Variants in CCDC178 observed in about 807,000 individuals in gnomAD.
The protein encoded by CCDC178 is coiled-coil domain-containing protein 178.
CCDC178 carries 126 observed loss-of-function variants against 117.4 expected under a neutral mutation model. That is an observed-to-expected ratio of 1.07 (90% CI 0.93 to 1.24). The LOEUF is 1.24. CCDC178 is among the 50% of genes most tolerant of loss of function. The pLI is 0.00. For missense variants in CCDC178, 1,030 were observed against 986.9 expected (o/e 1.04, Z -0.59); for synonymous variants, 283 against 313.4 (o/e 0.90, Z 1.02).
At chr18:33,410,527 G>A (rs2063835626) in intron 3 of CCDC178, among the ~76,000 whole-genome samples, 1 of 152,070 alleles carries the variant, frequency 6.6e-6, no homozygotes, top group South Asian at 2.1e-4. Flanking sequence ...AAAATATGTG[G>A]TGATGAAATA....
At chr18:33,403,564 A>ATAT (rs1282619906) in intron 3 of CCDC178, among the ~76,000 whole-genome samples, 1 of 152,054 alleles carries the variant, frequency 6.6e-6, no homozygotes, top group Non-Finnish European at 1.5e-5. Context: ...ATCAGTTTGG[A>ATAT]TACTACAGTT....
At chr18:33,402,382 A>C (rs544822132) in intron 3 of CCDC178, among the ~76,000 whole-genome samples, 13 of 152,358 alleles carry the variant, frequency 8.5e-5, no homozygotes, top group Admixed American at 7.2e-4. Context: ...CCTTGGTCCC[A>C]GCCCTGACTC....
chr18:33,353,517 T>C (rs1053520083), intron 7 of CCDC178, among the ~76,000 whole-genome samples: 5 of 152,110 alleles, frequency 3.3e-5, no homozygotes, highest in Non-Finnish European at 1.5e-5. Context: ...TTTTTTTCTA[T>C]ATATTGTTTA....
In CCDC178 at chr18:33,274,304, T is replaced by C. The variant is rs541337280; in HGVS notation, c.1177-7007A>G. ...GAATTGAAACCCTTATAAATCACTATGGTAATGTAAAATATTGTAGTCACT... is the reference window on the plus strand; with the variant it reads ...GAATTGAAACCCTTATAAATCACTACGGTAATGTAAAATATTGTAGTCACT... On this transcript the variant is annotated intron_variant, in intron 12 of 22. Coordinates refer to ENST00000383096, the MANE Select transcript of CCDC178 (RefSeq NM_001105528.4). Among the ~76,000 whole-genome samples, 7 of 152,090 alleles carry C rather than the reference T, an allele frequency of 4.6e-5. No individual in the cohort carries two copies. In the South Asian group the frequency reaches 1.4e-3, roughly 31 times the overall value.
intron 12 of CCDC178, among the ~76,000 whole-genome samples, chr18:33,284,343 G>A (rs1268311145): frequency 1.3e-5 from 2 of 152,130 alleles, no homozygotes; most frequent in Non-Finnish European, 2.9e-5. Flanking sequence ...AAACCCCCAT[G>A]ACATAAGGTT....
chr18:33,043,448 T>C (rs1052103908), intron 21 of CCDC178, among the ~76,000 whole-genome samples: 1 of 152,042 alleles, frequency 6.6e-6, no homozygotes, highest in Non-Finnish European at 1.5e-5. Flanking sequence ...CTGTGTGGTA[T>C]TGGGCAGTTA....
intron 11 of CCDC178, among the ~76,000 whole-genome samples, chr18:33,311,857 A>G (rs753907027): frequency 6.6e-6 from 1 of 152,042 alleles, no homozygotes; most frequent in Non-Finnish European, 1.5e-5. Context: ...GGTTTTGAAC[A>G]CCCCCTGGGG....
chr18:33,208,894 C>T (rs1203804916), intron 20 of CCDC178, among the ~76,000 whole-genome samples: 3 of 151,996 alleles, frequency 2.0e-5, no homozygotes, highest in Non-Finnish European at 2.9e-5. Context: ...TCTACTAGAA[C>T]TCAATCTGGA....
At chr18:33,141,116 G>A (rs1485971030) in intron 20 of CCDC178, among the ~76,000 whole-genome samples, 1 of 152,178 alleles carries the variant, frequency 6.6e-6, no homozygotes, top group Non-Finnish European at 1.5e-5. Flanking sequence ...ACGTGGAACT[G>A]TAAGTCAATT....
At chr18:33,179,161 CTATA>C (rs200189915) in intron 20 of CCDC178, among the ~76,000 whole-genome samples, 1 of 72,522 alleles carries the variant, frequency 1.4e-5, no homozygotes, top group Non-Finnish European at 2.5e-5. Context: ...TATATATAAA[CTATA>C]TATATAGTTT....
intron 21 of CCDC178, among the ~76,000 whole-genome samples, chr18:33,087,710 A>G (rs575874824): frequency 1.4e-4 from 22 of 152,272 alleles, no homozygotes; most frequent in Admixed American, 1.2e-3. Context: ...TTGCTATGAA[A>G]GAAGTGAATT....
chr18:33,212,913 A>G (rs916360736), intron 19 of CCDC178, among the ~76,000 whole-genome samples: 4 of 152,026 alleles, frequency 2.6e-5, no homozygotes, highest in African/African-American at 7.2e-5. Context: ...TGTCCAGATT[A>G]AGGTATCTGA....
At chr18:33,114,577 A>G (rs571597983) in intron 20 of CCDC178, among the ~76,000 whole-genome samples, 4 of 152,226 alleles carry the variant, frequency 2.6e-5, no homozygotes, top group African/African-American at 7.2e-5. Context: ...CAGAAAATCC[A>G]AAAGCAGAAT....
intron 20 of CCDC178, among the ~76,000 whole-genome samples, chr18:33,205,202 A>G (rs2059033894): frequency 6.6e-6 from 1 of 152,118 alleles, no homozygotes; most frequent in East Asian, 1.9e-4. Context: ...AACTATTAAA[A>G]TGACAGAAGC....
At chr18:33,207,998 A>G (rs779412915) in intron 20 of CCDC178, among the ~76,000 whole-genome samples, 1 of 152,064 alleles carries the variant, frequency 6.6e-6, no homozygotes, top group East Asian at 1.9e-4. Flanking sequence ...GCGCAAAAAC[A>G]TGAGGTAATC....
chr18:33,430,891 T>G (rs970273663), intron 2 of CCDC178, among the ~76,000 whole-genome samples: 1 of 151,158 alleles, frequency 6.6e-6, no homozygotes, highest in Non-Finnish European at 1.5e-5. Flanking sequence ...GCCAACATGG[T>G]GAAACCCCAT....
chr18:32,974,475 C>A, intron 22 of CCDC178, 72 bp downstream of exon 22: 5 of 1,392,276 alleles, frequency 3.6e-6, no homozygotes, highest in Non-Finnish European at 3.0e-6. Context: ...TTTAATGCTT[C>A]ATCACACTAC....
intron 15 of CCDC178, among the ~76,000 whole-genome samples, chr18:33,242,481 G>A (rs2059499163): frequency 6.6e-6 from 1 of 151,228 alleles, no homozygotes; most frequent in Non-Finnish European, 1.5e-5. Flanking sequence ...TAAAGAACAA[G>A]AGAAAATATT....
intron 10 of CCDC178, among the ~76,000 whole-genome samples, chr18:33,326,018 A>C (rs1354611423): frequency 2.0e-5 from 3 of 152,212 alleles, no homozygotes; most frequent in African/African-American, 7.2e-5. Flanking sequence ...CTATTTTAAA[A>C]GATTCTCCTA....
Sources: gnomAD v4.1 joint callset for allele counts (sites outside exome capture counted in the v4.1 genomes callset) on GRCh38, gnomAD v4.1.1 for gene constraint, MANE v1.5 for transcripts, NCBI Gene and HGNC (gene_info 2026-07-23, HGNC 2026-07-21) for gene names.